DNAJC1: variants seen among roughly 807,000 people sequenced by gnomAD.
The protein encoded by DNAJC1 is dnaJ homolog subfamily C member 1.
In DNAJC1, 58 loss-of-function variants were observed where a neutral mutation model predicts 76.6. The ratio of observed to expected loss-of-function variants is 0.76; its 90% CI spans 0.61 to 0.94. The LOEUF (loss-of-function observed/expected upper bound fraction) is 0.94. DNAJC1 is among the 40% of genes least tolerant of loss of function. The pLI, the probability that DNAJC1 is intolerant of heterozygous loss-of-function variation, is 0.00. For synonymous variants in DNAJC1, 258 were observed against 267.9 expected (o/e 0.96, Z 0.36); for missense variants, 689 against 677.3 (o/e 1.02, Z -0.19).
chr10:21,841,961 A>G (rs1261361462), intron 8 of DNAJC1, among the ~76,000 whole-genome samples: 2 of 152,008 alleles, frequency 1.3e-5, no homozygotes, highest in African/African-American at 2.4e-5. Flanking sequence ...CATGGATGAA[A>G]CTGGAAACCA....
In DNAJC1 at chr10:21,756,610, C is replaced by T; in HGVS notation, c.*77G>A. ...CACATGACGTAGAAATATTGAGGTA[C>T]AAAATGCAAATTTCTGCATAAGATT... On this transcript the variant is annotated 3_prime_UTR_variant, in exon 12 of 12. Coordinates refer to ENST00000376980, the MANE Select transcript of DNAJC1 (RefSeq NM_022365.4). The T allele has an allele frequency of 1.8e-6, 2 of 1,132,632 alleles. No individual in the cohort carries two copies. The highest frequency in any genetic ancestry group is 1.8e-5 in the Admixed American group (1 of 56,790). 70.2% of individuals were successfully genotyped at this position (1,132,632 alleles called of 1,614,324 possible). A position where few individuals can be genotyped will look rare whatever the true frequency, so the allele number is the denominator to read the frequency against.
intron 1 of DNAJC1, among the ~76,000 whole-genome samples, chr10:21,939,943 C>CAAAAAAAAAAAAAA (rs374955734): frequency 1.4e-5 from 1 of 70,368 alleles, no homozygotes; most frequent in African/African-American, 6.0e-5. Context: ...AAACCTCTCT[C>CAAAAAAAAAAAAAA]AAAAAAAAAA....
chr10:21,870,524 A>T (rs566370258), intron 8 of DNAJC1, among the ~76,000 whole-genome samples: 1 of 152,268 alleles, frequency 6.6e-6, no homozygotes, highest in African/African-American at 2.4e-5. Context: ...CTGTAATCCC[A>T]ACACTTTGGG....
intron 1 of DNAJC1, among the ~76,000 whole-genome samples, chr10:21,965,170 C>T (rs1004021379): frequency 1.3e-5 from 2 of 152,108 alleles, no homozygotes; most frequent in Non-Finnish European, 2.9e-5. Flanking sequence ...GTCTGCATCT[C>T]TTTGTTATCT....
At position 21,797,227 on chromosome 10, in the gene DNAJC1, T is replaced by G. The variant is rs1834759942; in HGVS notation, c.1098+8753A>C. ...ACCTTTCTTTCCCCATATGTATTCT[T>G]GGTACCCTTTTGAAGATTAGTTGAC... On this transcript the variant is annotated intron_variant, in intron 9 of 11. Transcript: ENST00000376980. Among the ~76,000 whole-genome samples, 6 of 152,212 alleles carry G rather than the reference T, an allele frequency of 3.9e-5. 1 individual carries two copies. In the South Asian group the frequency reaches 1.2e-3, roughly 31 times the overall value.
At chr10:21,791,152 T>C (rs1031252359) in intron 9 of DNAJC1, among the ~76,000 whole-genome samples, 4 of 152,138 alleles carry the variant, frequency 2.6e-5, no homozygotes, top group African/African-American at 9.7e-5. Flanking sequence ...TATATGATGA[T>C]AAAAGGATCA....
intron 1 of DNAJC1, among the ~76,000 whole-genome samples, chr10:21,933,635 T>C (rs1199731193): frequency 6.6e-6 from 1 of 152,222 alleles, no homozygotes; most frequent in Non-Finnish European, 1.5e-5. Context: ...ATACACAGTC[T>C]ACTGGCAAAC....
intron 6 of DNAJC1, among the ~76,000 whole-genome samples, chr10:21,916,836 TTATAA>T (rs1298955020): frequency 2.0e-5 from 3 of 152,158 alleles, no homozygotes; most frequent in African/African-American, 4.8e-5. Context: ...TTCTAAAGTA[TTATAA>T]TATATATTTG....
intron 8 of DNAJC1, among the ~76,000 whole-genome samples, chr10:21,824,377 G>C (rs117739817): frequency 7.2e-5 from 11 of 152,082 alleles, no homozygotes; most frequent in African/African-American, 2.2e-4. Context: ...TTCTATAAAC[G>C]TTATTTACAG....
intron 9 of DNAJC1, chr10:21,785,603 CT>C (rs1834595230): frequency 6.6e-6 from 1 of 152,124 alleles, no homozygotes; most frequent in African/African-American, 2.4e-5. Context: ...ATAAAACTGT[CT>C]TTGTTGAAGG....
At chr10:21,817,046 G>A (rs1282189850) in intron 8 of DNAJC1, among the ~76,000 whole-genome samples, 1 of 147,874 alleles carries the variant, frequency 6.8e-6, no homozygotes, top group Non-Finnish European at 1.5e-5. Flanking sequence ...TGTAGTCCCA[G>A]CTACTCAGGA....
intron 3 of DNAJC1, among the ~76,000 whole-genome samples, chr10:21,928,234 A>G (rs1354860573): frequency 6.6e-6 from 1 of 152,164 alleles, no homozygotes; most frequent in Non-Finnish European, 1.5e-5. Flanking sequence ...CCAGGGCATA[A>G]ACACTCATGT....
intron 1 of DNAJC1, among the ~76,000 whole-genome samples, chr10:21,979,785 T>C (rs1245056396): frequency 6.6e-6 from 1 of 151,922 alleles, no homozygotes; most frequent in African/African-American, 2.4e-5. Context: ...AAAACGATTA[T>C]CAAGCTTCTC....
At chr10:21,958,894 A>C (rs1048008642) in intron 1 of DNAJC1, among the ~76,000 whole-genome samples, 1 of 152,164 alleles carries the variant, frequency 6.6e-6, no homozygotes, top group African/African-American at 2.4e-5. Context: ...ATTTGGTAAG[A>C]ACATTTTGAA....
At chr10:21,955,720 A>G (rs1021109985) in intron 1 of DNAJC1, among the ~76,000 whole-genome samples, 1 of 152,174 alleles carries the variant, frequency 6.6e-6, no homozygotes. Flanking sequence ...TTTTTTACTA[A>G]GTTTTTTAAA....
intron 8 of DNAJC1, among the ~76,000 whole-genome samples, chr10:21,843,275 G>A (rs141330117): frequency 8.9e-4 from 135 of 152,098 alleles, no homozygotes; most frequent in Non-Finnish European, 1.6e-3. Flanking sequence ...TGTAATCTCT[G>A]TGAAGTCCCA....
At chr10:21,867,088 C>T (rs1055092083) in intron 8 of DNAJC1, among the ~76,000 whole-genome samples, 1 of 151,946 alleles carries the variant, frequency 6.6e-6, no homozygotes, top group Admixed American at 6.6e-5. Context: ...TATAGTAATT[C>T]TTCATCTTTA....
chr10:21,783,906 G>A (rs542285002), intron 9 of DNAJC1, among the ~76,000 whole-genome samples: 2 of 152,086 alleles, frequency 1.3e-5, no homozygotes, highest in Non-Finnish European at 2.9e-5. Context: ...TTAATTCAAG[G>A]TGGATTAAAG....
chr10:21,925,170 C>A (rs1384764096), intron 3 of DNAJC1, among the ~76,000 whole-genome samples: 2 of 152,056 alleles, frequency 1.3e-5, no homozygotes, highest in Non-Finnish European at 2.9e-5. Flanking sequence ...CAACACTACA[C>A]CCTGGTAATT....
Sources: gnomAD v4.1 joint callset for allele counts (sites outside exome capture counted in the v4.1 genomes callset) on GRCh38, gnomAD v4.1.1 for gene constraint, MANE v1.5 for transcripts, NCBI Gene and HGNC (gene_info 2026-07-23, HGNC 2026-07-21) for gene names.